Variants in STRN4 observed in about 807,000 individuals in gnomAD.
STRN4 encodes the protein striatin 4.
A neutral mutation model predicts 77.9 loss-of-function variants in STRN4; 27 were observed. That is an observed-to-expected ratio of 0.35 (90% CI 0.26 to 0.48). STRN4 has a LOEUF of 0.48. Among genes scored for constraint, STRN4 ranks in the 20% least tolerant of loss-of-function variants. The pLI, the probability that STRN4 is intolerant of heterozygous loss-of-function variation, is 0.99. For synonymous variants in STRN4, 466 were observed against 443.1 expected, an observed-to-expected ratio of 1.05 and a Z score of -0.65; for missense variants, 798 against 1,049.7, an observed-to-expected ratio of 0.76 and a Z score of 3.31.
chr19:46,721,949 C>G (rs372841764), intron 16 of STRN4, 37 bp downstream of exon 16: 1 of 1,610,060 alleles, frequency 6.2e-7, no homozygotes, highest in African/African-American at 1.3e-5. Flanking sequence ...TCCTCCCCTT[C>G]TCCCCAACCC....
Position 46,723,289 on chromosome 19 carries a change from A to C in STRN4, c.1595-5T>G, listed in dbSNP as rs1460330876. 3.9e-6 allele frequency: 6 copies of C among 1,536,432 alleles called. No homozygotes were observed. Among genetic ancestry groups the C allele is most frequent in the Non-Finnish European group, 5.3e-6 (6 of 1,142,050 alleles). ...CGTGGCTCAGCACGCTTGGGTCTGC[A>C]CCCACCGCAGGGAGGAAATGGGCTG... On this transcript the variant is annotated splice_region_variant and splice_polypyrimidine_tract_variant and intron_variant, in intron 12 of 17. Transcript: ENST00000263280. This position sits in a 1 kb window ranked among gnomAD's most constrained non-coding sequence, Gnocchi z 5.5.
At position 46,720,702 on chromosome 19, in the gene STRN4, C is replaced by A; in HGVS notation, c.2162G>T (p.Arg721Leu). ...GTGGATGGCCTCCTCGTGCTTCTTG[C>A]GGTGGGCCGTGATCTCCTGCACGCA... ...KTCVQEITAH[R>L]KKHEEAIHAV... The change falls in exon 17 of 18, where the codon CGC (arginine) becomes CTC (leucine). Residue 721 changes from arginine to leucine, a missense_variant. Around this residue, in one of 2 missense-constraint regions of STRN4, gnomAD observed 287 missense variants for 473.8 expected, o/e 0.61. Coordinates refer to ENST00000263280, the MANE Select transcript of STRN4 (RefSeq NM_013403.3). The A allele has an allele frequency of 1.2e-6, 2 of 1,610,644 alleles. No individual in the cohort carries two copies. The highest frequency in any genetic ancestry group is 1.1e-5 in the South Asian group (1 of 90,186).
intron 9 of STRN4, among the ~76,000 whole-genome samples, 179 bp downstream of exon 9, chr19:46,727,273 C>G (rs948582834): frequency 2.0e-5 from 3 of 152,044 alleles, no homozygotes; most frequent in African/African-American, 7.2e-5. Context: ...ACACAGGCTC[C>G]AGAGTCTTCC....
chr19:46,732,757 G>T (rs1283571526), intron 5 of STRN4: 1 of 414,912 alleles, frequency 2.4e-6, no homozygotes. Flanking sequence ...GTGTGCCTTC[G>T]GTAAGCACCC....
intron 1 of STRN4, chr19:46,740,079 G>C (rs1467281859): frequency 1.3e-5 from 2 of 152,174 alleles, no homozygotes; most frequent in Non-Finnish European, 2.9e-5. Flanking sequence ...TTGAGGTCAG[G>C]AGTTCAAGAC....
Position 46,746,389 on chromosome 19 carries a change from G to T in STRN4, c.42C>A (p.Ala14=), listed in dbSNP as rs1408116913. The T allele has an allele frequency of 7.4e-6, 8 of 1,087,606 alleles. No individual in the cohort carries two copies. Among genetic ancestry groups the T allele is most frequent in the Non-Finnish European group, 8.9e-6 (8 of 898,062 alleles). 67.4% of individuals were successfully genotyped at this position (1,087,606 alleles called of 1,614,324 possible). The part of the protein sequence containing the change: ...ERAAAAVAAA[A]SSCRPLGSGA... ...CTGAGCCGAGCGGACGGCAGGAGGA[G>T]GCGGCGGCGGCGACCGCGGCGGCCG... The change falls in exon 1 of 18, where the codon GCC becomes GCA. Residue 14 remains alanine (A), a synonymous_variant. Transcript: ENST00000263280.
At chr19:46,743,248 ACACT>A (rs1043854270) in intron 1 of STRN4, among the ~76,000 whole-genome samples, 2 of 152,106 alleles carry the variant, frequency 1.3e-5, no homozygotes, top group African/African-American at 4.8e-5. Context: ...GTGTATACAC[ACACT>A]CACACACACA....
At position 46,723,013 on chromosome 19, in the gene STRN4, G is replaced by A; in HGVS notation, c.1766-63C>T. The A allele has an allele frequency of 1.2e-6, 2 of 1,601,706 alleles. No individual in the cohort carries two copies. Among genetic ancestry groups the A allele is most frequent in the East Asian group, 4.5e-5 (2 of 44,586 alleles). ...CTCAGACCCAGCCCTGCCCCAGGGT[G>A]GGGGACAGTGGGTGGGAGGCCTGGG... On this transcript the variant is annotated intron_variant, in intron 13 of 17. Coordinates refer to ENST00000263280, the MANE Select transcript of STRN4 (RefSeq NM_013403.3). This position sits in a 1 kb window ranked among gnomAD's most constrained non-coding sequence, Gnocchi z 5.5.
At chr19:46,746,044 C>G in intron 1 of STRN4, 105 bp downstream of exon 1, 307 of 865,926 alleles carry the variant, frequency 3.5e-4, no homozygotes, top group Middle Eastern at 4.7e-4. Flanking sequence ...CCCCCGCCGG[C>G]CGTCCCGGCG....
At chr19:46,729,143 GA>G (rs1333703673) in intron 6 of STRN4, among the ~76,000 whole-genome samples, 1 of 152,232 alleles carries the variant, frequency 6.6e-6, no homozygotes, top group Non-Finnish European at 1.5e-5. Context: ...AAGTGAGGAT[GA>G]ATGGACCACA....
At position 46,746,040 on chromosome 19, in the gene STRN4, C is replaced by T. The variant is rs562627844; in HGVS notation, c.282+109G>A. ...GTCGCGGTCCCCTCCCGCCCCCCCG[C>T]CGGCCGTCCCGGCGGCCATTGCTCC... On this transcript the variant is annotated intron_variant, in intron 1 of 17. Transcript: ENST00000263280. 12,150 of 1,182,366 alleles carry T rather than the reference C, an allele frequency of 0.01. 714 individuals are homozygous for T. Among genetic ancestry groups the T allele is most frequent in the Non-Finnish European group, 0.011 (10,154 of 930,956 alleles). The allele number at this position is 1,182,366 out of a possible 1,614,324, so 73.2% of individuals were successfully genotyped here.
At chr19:46,721,638 C>T in intron 16 of STRN4, 1 of 260,494 alleles carries the variant, frequency 3.8e-6, no homozygotes, top group Non-Finnish European at 7.7e-6. Context: ...AGGGTGGGAG[C>T]ACAGAAGTCC....
chr19:46,746,001 C>A (rs2054586298), intron 1 of STRN4, 148 bp downstream of exon 1: 3 of 1,046,950 alleles, frequency 2.9e-6, no homozygotes, highest in Non-Finnish European at 3.7e-6. Context: ...GCCCCTCACT[C>A]GCCCTCCGGG....
chr19:46,726,698 G>A (rs1158771417), intron 9 of STRN4, among the ~76,000 whole-genome samples: 2 of 152,248 alleles, frequency 1.3e-5, no homozygotes, highest in South Asian at 4.1e-4. Flanking sequence ...GAGAGATGAC[G>A]AGCAGAGTAC....
rs959058514 is a variant in STRN4 at position 46,733,318 on chromosome 19, C to A, written c.540-82G>T. 5.9e-5 allele frequency: 83 copies of A among 1,407,336 alleles called. No homozygotes were observed. In the South Asian group the frequency reaches 9.2e-4, roughly 16 times the overall value. The allele number at this position is 1,407,336 out of a possible 1,614,324, so 87.2% of individuals were successfully genotyped here. ...CAGGGGCCAATGCAAACCGAGACAACCTCTTAAGGGGCCACTTAAGAGCAT... is the reference window on the plus strand; with the variant it reads ...CAGGGGCCAATGCAAACCGAGACAAACTCTTAAGGGGCCACTTAAGAGCAT... On this transcript the variant is annotated intron_variant, in intron 4 of 17. Coordinates refer to ENST00000263280, the MANE Select transcript of STRN4 (RefSeq NM_013403.3). The surrounding 1 kb of genome is among the most constrained non-coding windows in gnomAD (Gnocchi z 4.3).
In STRN4 at chr19:46,724,801, C is replaced by T. The variant is rs2054069273; in HGVS notation, c.1594+6G>A. The T allele has an allele frequency of 6.2e-7, 1 of 1,613,918 alleles. No homozygotes were observed. Among genetic ancestry groups the T allele is most frequent in the Non-Finnish European group, 8.5e-7 (1 of 1,180,016 alleles). On this transcript the variant is annotated splice_donor_region_variant and intron_variant, in intron 12 of 17. Transcript: ENST00000263280. ...GTGAGGGGAAGGCGGGAGGCGTTGT[C>T]CTCACCGTAGCCATCATAGGGATCC...
rs560469248 is a variant in STRN4 at position 46,723,570 on chromosome 19, C to T, written c.1595-286G>A. Among the ~76,000 whole-genome samples the T allele has an allele frequency of 2.6e-5, 4 of 152,308 alleles. 1 individual carries two copies. Among genetic ancestry groups the T allele is most frequent in the African/African-American group, 9.6e-5 (4 of 41,566 alleles). On this transcript the variant is annotated intron_variant, in intron 12 of 17. Transcript: ENST00000263280. This position sits in a 1 kb window ranked among gnomAD's most constrained non-coding sequence, Gnocchi z 5.5. Reference sequence around the variant, plus strand: ...GGGCCCAGAAACTGGGAGCTCAATACAGAATTTTTCGGGCTCCATTAAGGA... The same window carrying T: ...GGGCCCAGAAACTGGGAGCTCAATATAGAATTTTTCGGGCTCCATTAAGGA...
chr19:46,735,483 GTTTA>G (rs2054340735), intron 4 of STRN4, among the ~76,000 whole-genome samples: 1 of 151,766 alleles, frequency 6.6e-6, no homozygotes, highest in Admixed American at 6.6e-5. Context: ...GACAGAGTGA[GTTTA>G]TTTATTTATT....
rs1386063667 is a variant in STRN4 at position 46,738,926 on chromosome 19, G to T, written c.283-38C>A. ...ACAGGAGGCAAAGGGAGATAATGGGGCTCAGGCTCAATGCCGGTGTGTCTA... is the reference window on the plus strand; with the variant it reads ...ACAGGAGGCAAAGGGAGATAATGGGTCTCAGGCTCAATGCCGGTGTGTCTA... On this transcript the variant is annotated intron_variant, in intron 1 of 17. Coordinates refer to ENST00000263280, the MANE Select transcript of STRN4 (RefSeq NM_013403.3). This position sits in a 1 kb window ranked among gnomAD's most constrained non-coding sequence, Gnocchi z 4.5. The T allele has an allele frequency of 6.4e-7, 1 of 1,572,082 alleles. No individual in the cohort carries two copies. The highest frequency in any genetic ancestry group is 1.7e-4 in the Middle Eastern group (1 of 5,984).
Sources: gnomAD v4.1 joint callset for allele counts (sites outside exome capture counted in the v4.1 genomes callset) on GRCh38, gnomAD v4.1.1 for gene constraint, gnomAD v4.1.1 regional missense constraint, Gnocchi (gnomAD v3.1) non-coding constraint, MANE v1.5 for transcripts, NCBI Gene and HGNC (gene_info 2026-07-23, HGNC 2026-07-21) for gene names.